Variants in CCDC88C observed in about 807,000 individuals in gnomAD.
CCDC88C encodes coiled-coil and HOOK domain protein 88C.
A neutral mutation model predicts 198.8 loss-of-function variants in CCDC88C; 131 were observed. The observed-to-expected ratio is 0.66, with a 90% CI of 0.57 to 0.76. The LOEUF (loss-of-function observed/expected upper bound fraction) is 0.76. Ranked by LOEUF, CCDC88C falls within the 30% of genes least tolerant of loss-of-function variation. The pLI is 0.00. For synonymous variants in CCDC88C, 1,166 were observed against 1,114.7 expected, an observed-to-expected ratio of 1.05 and a Z score of -0.92; for missense variants, 2,553 against 2,631.6, an observed-to-expected ratio of 0.97 and a Z score of 0.65.
At chr14:91,316,039 C>T (rs74806512) in intron 13 of CCDC88C, among the ~76,000 whole-genome samples, 2,794 of 152,280 alleles carry the variant, frequency 0.018, 98 homozygotes, top group African/African-American at 0.063. Flanking sequence ...TGTGCTCCAC[C>T]GCCTGAGGCC....
chr14:91,353,588 T>C (rs2139891222), intron 4 of CCDC88C, among the ~76,000 whole-genome samples: 1 of 152,232 alleles, frequency 6.6e-6, no homozygotes, highest in East Asian at 1.9e-4. Context: ...CAGTCTTTTA[T>C]TTGGGGAGGT....
rs1436610398 is a variant in CCDC88C, at chr14:91,339,045, G to C, written c.809+233C>G. The stretch of plus-strand genomic sequence containing the variant: ...CTTCTGTGGACAACTTGCACCGTCT[G>C]GACGGGAGGAAACCCTGAAGACCGG... On this transcript the variant is annotated intron_variant, in intron 8 of 29. Coordinates refer to ENST00000389857, the MANE Select transcript of CCDC88C (RefSeq NM_001080414.4). The surrounding 1 kb of genome is among the most constrained non-coding windows in gnomAD (Gnocchi z 5.8). The C allele has an allele frequency of 9.6e-6, 6 of 626,030 alleles. No homozygotes were observed. In the Admixed American group the frequency reaches 1.3e-4, roughly 14 times the overall value. 38.8% of individuals were successfully genotyped at this position (626,030 alleles called of 1,614,324 possible).
chr14:91,378,925 T>TA (rs1382919232), intron 3 of CCDC88C: 1 of 152,174 alleles, frequency 6.6e-6, no homozygotes, highest in African/African-American at 2.4e-5. Context: ...AGGTTTCTGT[T>TA]ATTGTGTGCA....
At chr14:91,382,550 C>G (rs1884873181) in intron 3 of CCDC88C, among the ~76,000 whole-genome samples, 1 of 152,218 alleles carries the variant, frequency 6.6e-6, no homozygotes, top group South Asian at 2.1e-4. Flanking sequence ...TTCTACAGGA[C>G]ATGGGTCCTA....
chr14:91,347,244 C>T (rs1216508278), intron 4 of CCDC88C, among the ~76,000 whole-genome samples: 2 of 152,202 alleles, frequency 1.3e-5, no homozygotes, highest in Non-Finnish European at 2.9e-5. Flanking sequence ...TCTTTATGTA[C>T]TCTATTCGCA....
At chr14:91,333,326 C>T (rs1298779783) in intron 10 of CCDC88C, among the ~76,000 whole-genome samples, 2 of 152,178 alleles carry the variant, frequency 1.3e-5, no homozygotes, top group Non-Finnish European at 2.9e-5. Context: ...TTAACTCTGC[C>T]AACAACTTTA....
chr14:91,351,730 C>T (rs978422257), intron 4 of CCDC88C, among the ~76,000 whole-genome samples: 1 of 152,074 alleles, frequency 6.6e-6, no homozygotes, highest in Non-Finnish European at 1.5e-5. Context: ...CAGGAGCCTC[C>T]CGGGGGCACT....
chr14:91,281,349 T>G (rs757606410), intron 27 of CCDC88C, 108 bp downstream of exon 27: 13 of 1,572,442 alleles, frequency 8.3e-6, no homozygotes, highest in Non-Finnish European at 1.0e-5. Context: ...ATTTCCACCT[T>G]CATTTGGTGT....
intron 4 of CCDC88C, among the ~76,000 whole-genome samples, chr14:91,348,934 T>TA (rs1306421443): frequency 6.6e-6 from 1 of 152,116 alleles, no homozygotes. Flanking sequence ...AATTTTTTTT[T>TA]AAAAAGCGCC....
intron 4 of CCDC88C, among the ~76,000 whole-genome samples, chr14:91,349,449 C>T (rs1237277691): frequency 6.6e-6 from 1 of 152,240 alleles, no homozygotes; most frequent in Non-Finnish European, 1.5e-5. Flanking sequence ...GTTACACTTA[C>T]TCGAGCTGCT....
At chr14:91,274,881 C>T (rs1889886589) in intron 29 of CCDC88C, among the ~76,000 whole-genome samples, 2 of 152,208 alleles carry the variant, frequency 1.3e-5, no homozygotes, top group Non-Finnish European at 2.9e-5. Context: ...CAGATGAAAG[C>T]CTATGGCTGC....
Position 91,294,803 on chromosome 14 carries a change from G to A in CCDC88C, c.3967-485C>T, listed in dbSNP as rs146616117. Among the ~76,000 whole-genome samples, 172 of 152,264 alleles carry A rather than the reference G, an allele frequency of 1.1e-3. 1 individual carries two copies. Among genetic ancestry groups the A allele is most frequent in the South Asian group, 1.2e-3 (6 of 4,832 alleles). ...CTGAGTCTCAGCTGGGATTACAGGCGCGTGCCACCACGCCCAGCTAATTTT... is the reference window on the plus strand; with the variant it reads ...CTGAGTCTCAGCTGGGATTACAGGCACGTGCCACCACGCCCAGCTAATTTT... On this transcript the variant is annotated intron_variant, in intron 22 of 29. Transcript: ENST00000389857.
intron 3 of CCDC88C, among the ~76,000 whole-genome samples, chr14:91,360,738 C>G (rs534625416): frequency 8.5e-5 from 13 of 152,360 alleles, no homozygotes; most frequent in African/African-American, 3.1e-4. Flanking sequence ...GGTACAGGCT[C>G]TCCTCAGCGT....
At chr14:91,414,584 A>C (rs1886949520) in intron 2 of CCDC88C, among the ~76,000 whole-genome samples, 1 of 152,144 alleles carries the variant, frequency 6.6e-6, no homozygotes, top group African/African-American at 2.4e-5. Context: ...TCCAGACACA[A>C]AAACACTATT....
In CCDC88C at chr14:91,416,698, C is replaced by T. The variant is rs916818114; in HGVS notation, c.161+40G>A. 9 of 1,428,376 alleles carry T rather than the reference C, an allele frequency of 6.3e-6. No homozygotes were observed. In the Admixed American group the frequency reaches 1.3e-4, roughly 20 times the overall value. The allele number at this position is 1,428,376 out of a possible 1,614,324, so 88.5% of individuals were successfully genotyped here. On this transcript the variant is annotated intron_variant, in intron 2 of 29. Transcript: ENST00000389857. ...CCATTTCTACTCTCAAACTTTCTAA[C>T]GCACCATTCTTTCCTTCCTCCGAGA...
intron 4 of CCDC88C, among the ~76,000 whole-genome samples, chr14:91,351,317 A>G (rs1397784609): frequency 1.3e-5 from 2 of 152,198 alleles, no homozygotes; most frequent in African/African-American, 2.4e-5. Context: ...ACAGCAGTGC[A>G]CTGAACACGA....
At chr14:91,345,809 T>C (rs781666189) in intron 4 of CCDC88C, among the ~76,000 whole-genome samples, 10 of 152,098 alleles carry the variant, frequency 6.6e-5, no homozygotes, top group Non-Finnish European at 1.3e-4. Flanking sequence ...CACCTGCGCC[T>C]AGACGATGGG....
At chr14:91,327,746 G>A (rs975172369) in intron 10 of CCDC88C, among the ~76,000 whole-genome samples, 1 of 152,098 alleles carries the variant, frequency 6.6e-6, no homozygotes, top group Admixed American at 6.6e-5. Context: ...TTTTCTCTCT[G>A]GCTACTGCCC....
At position 91,289,195 on chromosome 14, in the gene CCDC88C, G is replaced by A. The variant is rs1328775652; in HGVS notation, c.4351C>T (p.Leu1451Phe). Reference protein sequence around the residue: ...DPASPAASQPLRSQAENPDTP... With the variant: ...DPASPAASQPFRSQAENPDTP... ...TCGGGGTTCTCGGCCTGTGATCTGA[G>A]CGGCTGAGAGGCCGCCGGCGAGGCG... is the stretch of plus-strand genomic sequence containing the variant. Residue 1451 changes from leucine (L) to phenylalanine (F), a missense_variant, in exon 25 of 30, where the codon CTC (leucine) becomes TTC (phenylalanine). Physicochemically the swap from Leu to Phe is conservative, Grantham distance 22 (BLOSUM62 0). Coordinates refer to ENST00000389857, the MANE Select transcript of CCDC88C (RefSeq NM_001080414.4). The A allele has an allele frequency of 3.1e-6, 5 of 1,613,990 alleles. No individual in the cohort carries two copies. In the East Asian group the frequency reaches 1.1e-4, roughly 36 times the overall value.
Sources: allele counts gnomAD v4.1 joint callset (sites outside exome capture counted in the v4.1 genomes callset), GRCh38; gene constraint gnomAD v4.1.1; non-coding constraint Gnocchi (gnomAD v3.1); transcripts MANE v1.5; gene names NCBI Gene and HGNC (gene_info 2026-07-23, HGNC 2026-07-21).